The following FHIP1A variants were observed in gnomAD, a reference collection of about 807,000 sequenced individuals.
FHIP1A encodes FHF complex subunit HOOK-interacting protein 1A.
In FHIP1A, 61 loss-of-function variants were observed where a neutral mutation model predicts 88.6. That is an observed-to-expected ratio of 0.69 (90% CI 0.56 to 0.85). The LOEUF is 0.85. FHIP1A is among the 40% of genes least tolerant of loss of function. The pLI is 0.00. For synonymous variants in FHIP1A, 478 were observed against 496.0 expected, an observed-to-expected ratio of 0.96 and a Z score of 0.48; for missense variants, 1,154 against 1,273.5, an observed-to-expected ratio of 0.91 and a Z score of 1.43.
chr4:151,635,237 G>A (rs915310083), intron 8 of FHIP1A, among the ~76,000 whole-genome samples: 2 of 151,882 alleles, frequency 1.3e-5, no homozygotes, highest in African/African-American at 4.8e-5. Context: ...GTGTTGGTGA[G>A]AATGTGGAAA....
intron 9 of FHIP1A, among the ~76,000 whole-genome samples, chr4:151,639,242 A>G (rs1234433499): frequency 3.3e-5 from 5 of 152,200 alleles, no homozygotes; most frequent in African/African-American, 1.2e-4. Flanking sequence ...ATTCAGTAAA[A>G]ATTTGATGAG....
Position 151,646,572 on chromosome 4 carries a change from G to A in FHIP1A, c.1241G>A (p.Cys414Tyr), listed in dbSNP as rs867003111. Residue 414 changes from cysteine (C) to tyrosine (Y), a missense_variant, in exon 10 of 14, where the codon TGC (cysteine) becomes TAC (tyrosine). By Grantham distance (194) the Cys-to-Tyr change is radical. Coordinates refer to ENST00000435205, the MANE Select transcript of FHIP1A (RefSeq NM_001109977.3). ...LQLVLRYLIP[C>Y]NHMMLSQRWA... ...TGTCATTCTAGGTATCTGATCCCCTGCAATCACATGATGCTGAGTCAGAGG... is the reference window on the plus strand; with the variant it reads ...TGTCATTCTAGGTATCTGATCCCCTACAATCACATGATGCTGAGTCAGAGG... 16 of 1,551,036 alleles carry A rather than the reference G, an allele frequency of 1.0e-5. No individual in the cohort carries two copies. In the Admixed American group the frequency reaches 2.0e-4, roughly 19 times the overall value.
chr4:151,634,100 G>A (rs1025737498), intron 8 of FHIP1A, among the ~76,000 whole-genome samples: 30 of 151,774 alleles, frequency 2.0e-4, no homozygotes, highest in Middle Eastern at 3.4e-3. Flanking sequence ...CAAAGTCAAC[G>A]CACATAAGTA....
At chr4:151,430,002 A>G (rs998940598) in intron 1 of FHIP1A, among the ~76,000 whole-genome samples, 5 of 152,194 alleles carry the variant, frequency 3.3e-5, no homozygotes, top group South Asian at 2.1e-4. Flanking sequence ...AGGCAGTCCT[A>G]AAAGAATTGT....
chr4:151,578,951 T>C (rs1361523592), intron 5 of FHIP1A, among the ~76,000 whole-genome samples: 1 of 152,312 alleles, frequency 6.6e-6, no homozygotes, highest in East Asian at 1.9e-4. Context: ...TGAATAGATA[T>C]GGTGGAACCT....
At chr4:151,443,251 TCACACCACTA>T (rs1728473396) in intron 1 of FHIP1A, among the ~76,000 whole-genome samples, 1 of 152,030 alleles carries the variant, frequency 6.6e-6, no homozygotes, top group Non-Finnish European at 1.5e-5. Context: ...TGAGCTATGA[TCACACCACTA>T]CACTCCAGCC....
intron 8 of FHIP1A, among the ~76,000 whole-genome samples, chr4:151,632,108 T>A (rs925750200): frequency 6.6e-6 from 1 of 151,900 alleles, no homozygotes; most frequent in Non-Finnish European, 1.5e-5. Context: ...GAAAAATATA[T>A]CCTATGCAAA....
At chr4:151,539,306 G>A (rs1732183379) in intron 3 of FHIP1A, among the ~76,000 whole-genome samples, 1 of 152,142 alleles carries the variant, frequency 6.6e-6, no homozygotes, top group Non-Finnish European at 1.5e-5. Flanking sequence ...ACGTGGCCAG[G>A]CACAGTGGCT....
intron 9 of FHIP1A, among the ~76,000 whole-genome samples, chr4:151,640,489 A>C (rs1361374708): frequency 6.6e-6 from 1 of 152,242 alleles, no homozygotes; most frequent in African/African-American, 2.4e-5. Flanking sequence ...TTAGCTCCTC[A>C]TCAAGCCTCT....
intron 3 of FHIP1A, among the ~76,000 whole-genome samples, chr4:151,543,914 T>TA (rs1156357071): frequency 6.6e-6 from 1 of 152,226 alleles, no homozygotes; most frequent in Non-Finnish European, 1.5e-5. Context: ...ATCTATTTAT[T>TA]ACTTCTGTAG....
intron 2 of FHIP1A, among the ~76,000 whole-genome samples, chr4:151,457,125 G>C (rs368936420): frequency 6.6e-6 from 1 of 152,166 alleles, no homozygotes; most frequent in African/African-American, 2.4e-5. Context: ...TGGTCTTGTA[G>C]TGGGGCTTTT....
intron 7 of FHIP1A, among the ~76,000 whole-genome samples, chr4:151,599,375 C>A (rs1734773506): frequency 6.6e-6 from 1 of 152,108 alleles, no homozygotes; most frequent in Non-Finnish European, 1.5e-5. Flanking sequence ...AGTCTGGGTT[C>A]TCAGAGAAGC....
At chr4:151,633,604 A>G (rs1038800341) in intron 8 of FHIP1A, among the ~76,000 whole-genome samples, 6 of 151,920 alleles carry the variant, frequency 3.9e-5, no homozygotes, top group Non-Finnish European at 1.5e-5. Context: ...GGATTGTATA[A>G]CATGACCAAG....
chr4:151,527,493 C>G (rs1021880244), intron 3 of FHIP1A, among the ~76,000 whole-genome samples: 3 of 152,034 alleles, frequency 2.0e-5, no homozygotes, highest in Admixed American at 1.3e-4. Context: ...AGCTTCGGCT[C>G]GGCATCAGAG....
intron 10 of FHIP1A, among the ~76,000 whole-genome samples, chr4:151,648,165 A>C (rs1202727747): frequency 6.6e-6 from 1 of 152,194 alleles, no homozygotes; most frequent in Non-Finnish European, 1.5e-5. Context: ...TAGGTTCTGC[A>C]TCTTGGTTCT....
At chr4:151,501,692 T>C (rs1490910511) in intron 3 of FHIP1A, among the ~76,000 whole-genome samples, 1 of 151,998 alleles carries the variant, frequency 6.6e-6, no homozygotes, top group African/African-American at 2.4e-5. Flanking sequence ...CATTTTTTCA[T>C]GTTTTTTATG....
At chr4:151,557,849 A>G (rs145521906) in intron 3 of FHIP1A, among the ~76,000 whole-genome samples, 38 of 152,286 alleles carry the variant, frequency 2.5e-4, no homozygotes, top group African/African-American at 8.4e-4. Context: ...GGCTTTTTCT[A>G]TTGTAGGGTC....
intron 3 of FHIP1A, among the ~76,000 whole-genome samples, chr4:151,485,395 A>G (rs947973248): frequency 6.6e-6 from 1 of 151,146 alleles, no homozygotes; most frequent in Non-Finnish European, 1.5e-5. Context: ...CATTTCTGAA[A>G]TACCCTTGTC....
intron 8 of FHIP1A, among the ~76,000 whole-genome samples, chr4:151,636,700 A>G (rs1736368309): frequency 6.6e-6 from 1 of 152,100 alleles, no homozygotes; most frequent in Non-Finnish European, 1.5e-5. Context: ...AAAAGGGAAA[A>G]CACCCAATGT....
Sources: gnomAD v4.1 joint callset for allele counts (sites outside exome capture counted in the v4.1 genomes callset) on GRCh38, gnomAD v4.1.1 for gene constraint, MANE v1.5 for transcripts, NCBI Gene and HGNC (gene_info 2026-07-23, HGNC 2026-07-21) for gene names.